DRC8: variants seen among roughly 807,000 people sequenced by gnomAD.
DRC8 encodes the protein dynein regulatory complex protein 8.
At chr1:245,036,168 TA>T in the DRC8 span, among the ~76,000 whole-genome samples, 1 of 152,126 alleles carries the variant, frequency 6.6e-6, no homozygotes, top group African/African-American at 2.4e-5. Flanking sequence ...CTGTAATATA[TA>T]AAAAACTGAC....
chr1:245,076,145 G>T, the DRC8 span, among the ~76,000 whole-genome samples: 395 of 152,320 alleles, frequency 2.6e-3, no homozygotes, highest in African/African-American at 9.0e-3. Flanking sequence ...GTGGGTCGGG[G>T]AGGATGTGCC....
the DRC8 span, among the ~76,000 whole-genome samples, chr1:245,112,172 T>C: frequency 1.3e-5 from 2 of 152,260 alleles, no homozygotes; most frequent in South Asian, 4.1e-4. Flanking sequence ...CCTCCCGGGT[T>C]CAAGCGATGC....
chr1:245,035,993 G>T, the DRC8 span, among the ~76,000 whole-genome samples: 5 of 152,230 alleles, frequency 3.3e-5, no homozygotes, highest in Non-Finnish European at 5.9e-5. Context: ...TGGTTTCTTA[G>T]CTATGATACC....
At chr1:245,086,035 C>T in the DRC8 span, among the ~76,000 whole-genome samples, 4 of 152,270 alleles carry the variant, frequency 2.6e-5, no homozygotes, top group East Asian at 5.8e-4. Flanking sequence ...AGAGACAGTG[C>T]GACCACGTGG....
the DRC8 span, among the ~76,000 whole-genome samples, chr1:245,099,413 C>T: frequency 6.6e-6 from 1 of 152,196 alleles, no homozygotes; most frequent in East Asian, 1.9e-4. Context: ...AAGTTCTTCC[C>T]TCCAGTTTGC....
chr1:245,046,914 G>A, the DRC8 span, among the ~76,000 whole-genome samples: 44 of 152,292 alleles, frequency 2.9e-4, 1 homozygote, highest in Middle Eastern at 0.014. Context: ...CCTGACTGGT[G>A]AGCTGCCTTG....
At chr1:244,970,553 G>C in the DRC8 span, 1 of 1,403,846 alleles carries the variant, frequency 7.1e-7, no homozygotes, top group Non-Finnish European at 9.4e-7. Context: ...GTTCCCACCC[G>C]CAGGGAAAGG....
the DRC8 span, among the ~76,000 whole-genome samples, chr1:245,047,592 G>T: frequency 7.1e-6 from 1 of 141,440 alleles, no homozygotes; most frequent in Non-Finnish European, 1.5e-5. Flanking sequence ...CTGAGATGGT[G>T]CCACGGCACT....
the DRC8 span, among the ~76,000 whole-genome samples, chr1:245,052,484 A>G: frequency 2.0e-5 from 3 of 152,242 alleles, no homozygotes; most frequent in African/African-American, 7.2e-5. Context: ...CCACGCAGCC[A>G]ACCCGCAGGA....
At chr1:245,034,066 T>C in the DRC8 span, among the ~76,000 whole-genome samples, 510 of 152,270 alleles carry the variant, frequency 3.3e-3, 3 homozygotes, top group South Asian at 0.013. Flanking sequence ...TCTCAGCCTC[T>C]GCTTTGGGAC....
At chr1:245,003,168 C>T in the DRC8 span, among the ~76,000 whole-genome samples, 28 of 152,066 alleles carry the variant, frequency 1.8e-4, no homozygotes, top group Non-Finnish European at 2.1e-4. Context: ...ATGTGTATGC[C>T]GCATTTTGTT....
chr1:245,040,747 G>A, the DRC8 span, among the ~76,000 whole-genome samples: 4,000 of 152,226 alleles, frequency 0.026, 139 homozygotes, highest in East Asian at 0.14. Flanking sequence ...TTCAGGACCA[G>A]CCTGGCCAAC....
At chr1:245,087,541 C>T in the DRC8 span, 1 of 1,250,130 alleles carries the variant, frequency 8.0e-7, no homozygotes. Flanking sequence ...GTATGTCTAG[C>T]CTTACAGAAT....
At chr1:245,112,756 CT>C in the DRC8 span, among the ~76,000 whole-genome samples, 611 of 142,160 alleles carry the variant, frequency 4.3e-3, 1 homozygote, top group African/African-American at 8.7e-3. Context: ...TTCATGTTAC[CT>C]TTTTTTTTTT....
chr1:245,052,284 A>G, the DRC8 span, among the ~76,000 whole-genome samples: 1 of 152,230 alleles, frequency 6.6e-6, no homozygotes, highest in Non-Finnish European at 1.5e-5. Flanking sequence ...TGCAGGAACA[A>G]AGAAAGTGAA....
At chr1:245,003,162 G>A in the DRC8 span, among the ~76,000 whole-genome samples, 1 of 152,162 alleles carries the variant, frequency 6.6e-6, no homozygotes, top group East Asian at 1.9e-4. Flanking sequence ...CATTGTATGT[G>A]TATGCCGCAT....
chr1:244,982,517 A>T, the DRC8 span, among the ~76,000 whole-genome samples: 1 of 152,018 alleles, frequency 6.6e-6, no homozygotes, highest in East Asian at 1.9e-4. Context: ...GACAAAAATT[A>T]GCCAGGCGTG....
the DRC8 span, among the ~76,000 whole-genome samples, chr1:245,056,676 G>A: frequency 1.3e-5 from 2 of 152,136 alleles, no homozygotes; most frequent in African/African-American, 2.4e-5. Context: ...GGTGGCTCAC[G>A]CCTGTAATCC....
chr1:245,063,466 T>C, the DRC8 span, among the ~76,000 whole-genome samples: 1 of 152,254 alleles, frequency 6.6e-6, no homozygotes, highest in Admixed American at 6.5e-5. Flanking sequence ...ATAGTCTTTT[T>C]CTTTCCTTAT....
Sources: allele counts gnomAD v4.1 joint callset (sites outside exome capture counted in the v4.1 genomes callset), GRCh38; gene constraint gnomAD v4.1.1; transcripts MANE v1.5; gene names NCBI Gene and HGNC (gene_info 2026-07-23, HGNC 2026-07-21).